The following SBF2 variants were observed in gnomAD, a reference collection of about 807,000 sequenced individuals.
SBF2 encodes myotubularin-related protein 13.
A neutral mutation model predicts 225.2 loss-of-function variants in SBF2; 112 were observed. That is an observed-to-expected ratio of 0.50 (90% CI 0.43 to 0.58). The LOEUF is 0.58. Among genes scored for constraint, SBF2 ranks in the 20% least tolerant of loss-of-function variants. The probability of loss-of-function intolerance (pLI) is 0.00; values close to 1 mark genes in which losing one functional copy is unlikely to be tolerated. For synonymous variants in SBF2, 763 were observed against 773.3 expected, an observed-to-expected ratio of 0.99 and a Z score of 0.22; for missense variants, 1,996 against 2,206.2, an observed-to-expected ratio of 0.90 and a Z score of 1.91.
intron 1 of SBF2, among the ~76,000 whole-genome samples, chr11:10,273,191 C>T (rs1412938565): frequency 6.6e-6 from 1 of 152,142 alleles, no homozygotes; most frequent in Non-Finnish European, 1.5e-5. Context: ...ACTAATTATT[C>T]TGTTTAATTA....
In SBF2 at chr11:10,192,104, C is replaced by A. The variant is rs186636755; in HGVS notation, c.141+1798G>T. Among the ~76,000 whole-genome samples, 5 of 152,236 alleles carry A rather than the reference C, an allele frequency of 3.3e-5. No individual in the cohort carries two copies. In the East Asian group the frequency reaches 9.7e-4, roughly 29 times the overall value. On this transcript the variant is annotated intron_variant, in intron 2 of 39. Coordinates refer to ENST00000256190, the MANE Select transcript of SBF2 (RefSeq NM_030962.4). ...TTCCCCTCAATCACACTAAAAGGGA[C>A]ATTGAAACAGGGTTTAAAAGCTTTT...
chr11:10,116,213 C>T (rs1953132615), intron 2 of SBF2, among the ~76,000 whole-genome samples: 1 of 152,120 alleles, frequency 6.6e-6, no homozygotes, highest in East Asian at 1.9e-4. Flanking sequence ...CTGAATATTA[C>T]TTTGGTTGAG....
chr11:9,808,541 TCA>T (rs1853980876), intron 31 of SBF2: 1 of 414,398 alleles, frequency 2.4e-6, no homozygotes, highest in South Asian at 2.2e-5. Context: ...TAGTCTGAAC[TCA>T]CACTTTTCAC....
At chr11:10,274,909 G>A (rs1962839612) in intron 1 of SBF2, among the ~76,000 whole-genome samples, 1 of 152,226 alleles carries the variant, frequency 6.6e-6, no homozygotes, top group South Asian at 2.1e-4. Flanking sequence ...ACTACTGTAA[G>A]TAAAACAGTT....
At chr11:9,786,927 C>A (rs943078613) in intron 36 of SBF2, among the ~76,000 whole-genome samples, 2 of 152,146 alleles carry the variant, frequency 1.3e-5, no homozygotes, top group African/African-American at 4.8e-5. Flanking sequence ...GAGTCTTGTT[C>A]TGTCACGAGG....
Position 9,787,742 on chromosome 11 carries a change from C to T in SBF2, c.4933-4G>A. On this transcript the variant is annotated splice_region_variant and splice_polypyrimidine_tract_variant and intron_variant, in intron 35 of 39. Coordinates refer to ENST00000256190, the MANE Select transcript of SBF2 (RefSeq NM_030962.4). ...TGTGCTCCAATTTTTCAATTTCCTG[C>T]AAAGAAATTAAAAGTTTTCTGATCA... 22 of 1,612,734 alleles carry T rather than the reference C, an allele frequency of 1.4e-5. No homozygotes were observed. The highest frequency in any genetic ancestry group is 1.9e-5 in the Non-Finnish European group (22 of 1,178,774).
intron 1 of SBF2, among the ~76,000 whole-genome samples, chr11:10,275,403 T>C (rs1962876588): frequency 6.6e-6 from 1 of 152,198 alleles, no homozygotes. Context: ...TGGAGCATCT[T>C]GACGGGTATG....
At chr11:10,269,620 A>G (rs1001503723) in intron 1 of SBF2, among the ~76,000 whole-genome samples, 2 of 152,240 alleles carry the variant, frequency 1.3e-5, no homozygotes, top group Non-Finnish European at 2.9e-5. Flanking sequence ...CAACATCTCT[A>G]TGAGGTAGAT....
intron 1 of SBF2, among the ~76,000 whole-genome samples, chr11:10,207,457 A>G (rs1957787979): frequency 6.6e-6 from 1 of 152,120 alleles, no homozygotes; most frequent in African/African-American, 2.4e-5. Context: ...CCAGTCCAAT[A>G]GCTGGTGTTC....
Position 9,914,353 on chromosome 11 carries a change from G to GA in SBF2, c.1861-18343dup, listed in dbSNP as rs1862896275. On this transcript the variant is annotated intron_variant, in intron 16 of 39. Transcript: ENST00000256190. ...TAGTGGTAGACCGGTCATGGCTGAG[G>GA]AAAGAATCTCTGAGAGCCAAGAAAC... Among the ~76,000 whole-genome samples the GA allele has an allele frequency of 2.0e-5, 3 of 152,164 alleles. No individual in the cohort carries two copies. The South Asian group carries it at 6.2e-4, about 32-fold the overall frequency.
intron 28 of SBF2, among the ~76,000 whole-genome samples, chr11:9,825,605 A>G (rs1411117812): frequency 6.6e-6 from 1 of 152,246 alleles, no homozygotes; most frequent in Non-Finnish European, 1.5e-5. Context: ...AAAAACCAGT[A>G]TGACCACTAG....
Position 9,962,022 on chromosome 11 carries a change from T to C in SBF2, c.1795A>G (p.Asn599Asp). 6.2e-7 allele frequency: 1 copy of C among 1,614,174 alleles called. No homozygotes were observed. Among genetic ancestry groups the C allele is most frequent in the Non-Finnish European group, 8.5e-7 (1 of 1,179,994 alleles). ...TDELGLHVQQNRAILDHQQFD... is the reference protein window; with the variant it reads ...TDELGLHVQQDRAILDHQQFD... Reference sequence around the variant, plus strand: ...TGTTGATGGTCTAATATTGCCCGGTTTTGCTGGACATGCAAACCCAATTCA... The same window carrying C: ...TGTTGATGGTCTAATATTGCCCGGTCTTGCTGGACATGCAAACCCAATTCA... Residue 599 changes from asparagine (N) to aspartate (D), a missense_variant, in exon 16 of 40, where the codon AAC (asparagine) becomes GAC (aspartate). By Grantham distance (23) the Asn-to-Asp change is conservative. Coordinates refer to ENST00000256190, the MANE Select transcript of SBF2 (RefSeq NM_030962.4).
chr11:9,959,270 A>G (rs917114016), intron 16 of SBF2: 28 of 775,126 alleles, frequency 3.6e-5, no homozygotes, highest in Non-Finnish European at 6.5e-5. Context: ...CAGGCCCGGT[A>G]ATGAGCCTCC....
chr11:10,042,714 A>G, intron 3 of SBF2, 130 bp downstream of exon 3: 1 of 855,752 alleles, frequency 1.2e-6, no homozygotes, highest in South Asian at 1.6e-5. Context: ...TTAAACATAA[A>G]AATTTCTTCA....
chr11:10,204,431 G>C (rs1288024285), intron 1 of SBF2, among the ~76,000 whole-genome samples: 2 of 151,970 alleles, frequency 1.3e-5, no homozygotes, highest in African/African-American at 4.8e-5. Flanking sequence ...ACGAGGTCAA[G>C]AGATCGAGAC....
Position 9,973,346 on chromosome 11 carries a change from G to A in SBF2, c.1396-4801C>T, listed in dbSNP as rs78524159. ...GAAATAAGGAAATCCGTTATTTTCC[G>A]ACAGTACAAAGCAGCAGCCAAATTT... On this transcript the variant is annotated intron_variant, in intron 13 of 39. Transcript: ENST00000256190. Among the ~76,000 whole-genome samples, 594 of 152,252 alleles carry A rather than the reference G, an allele frequency of 3.9e-3. 3 individuals carry two copies. Among genetic ancestry groups the A allele is most frequent in the African/African-American group, 0.014 (563 of 41,540 alleles).
At chr11:9,981,297 C>T (rs1186672416) in intron 13 of SBF2, among the ~76,000 whole-genome samples, 1 of 152,124 alleles carries the variant, frequency 6.6e-6, no homozygotes, top group East Asian at 1.9e-4. Flanking sequence ...CCGAGGACTA[C>T]TAGACAGGGG....
chr11:9,865,688 C>CAAAAA (rs1174863548), intron 17 of SBF2, among the ~76,000 whole-genome samples: 2,833 of 14,794 alleles, frequency 0.19, 856 homozygotes, highest in African/African-American at 0.23. Context: ...AAAACTGTCT[C>CAAAAA]AAAAAAAAAA....
At chr11:10,233,140 T>G (rs1958924218) in intron 1 of SBF2, among the ~76,000 whole-genome samples, 1 of 152,212 alleles carries the variant, frequency 6.6e-6, no homozygotes, top group Non-Finnish European at 1.5e-5. Context: ...AGTACTAATT[T>G]TCATATCTTT....
Sources: allele counts gnomAD v4.1 joint callset (sites outside exome capture counted in the v4.1 genomes callset), GRCh38; gene constraint gnomAD v4.1.1; transcripts MANE v1.5; gene names NCBI Gene and HGNC (gene_info 2026-07-23, HGNC 2026-07-21).